Variants in TCF12 observed in about 807,000 individuals in gnomAD.
The protein encoded by TCF12 is DNA-binding protein HTF4.
A neutral mutation model predicts 86.0 loss-of-function variants in TCF12; 45 were observed. The ratio of observed to expected loss-of-function variants is 0.52; its 90% confidence interval spans 0.41 to 0.67. The LOEUF is 0.67. Ranked by LOEUF, TCF12 falls within the 30% of genes least tolerant of loss-of-function variation. The pLI, the probability that TCF12 is intolerant of heterozygous loss-of-function variation, is 0.00. For synonymous variants in TCF12, 330 were observed against 299.6 expected (o/e 1.10, Z -1.05); for missense variants, 881 against 859.9 (o/e 1.02, Z -0.31).
At chr15:57,250,559 T>C (rs1179947956) in intron 13 of TCF12, among the ~76,000 whole-genome samples, 14 of 152,022 alleles carry the variant, frequency 9.2e-5, no homozygotes. Context: ...TGAAACGTTG[T>C]CTCTACTGCA....
intron 3 of TCF12, among the ~76,000 whole-genome samples, chr15:57,026,675 A>G (rs1467999444): frequency 6.6e-6 from 1 of 152,102 alleles, no homozygotes; most frequent in African/African-American, 2.4e-5. Flanking sequence ...ATTTCATTTT[A>G]TATATTTTAA....
chr15:57,040,872 T>A (rs2066853495), intron 3 of TCF12, among the ~76,000 whole-genome samples: 1 of 152,208 alleles, frequency 6.6e-6, no homozygotes, highest in South Asian at 2.1e-4. Flanking sequence ...GTGTTGTGAA[T>A]GTTATTATAG....
intron 8 of TCF12, among the ~76,000 whole-genome samples, chr15:57,211,546 G>A (rs1284926484): frequency 1.3e-5 from 2 of 152,182 alleles, no homozygotes; most frequent in Non-Finnish European, 2.9e-5. Flanking sequence ...TTGGACTCTT[G>A]TCTTAGAACT....
rs548687317 is a variant in TCF12, at chr15:56,951,849, T to C, written c.148+30751T>C. On this transcript the variant is annotated intron_variant, in intron 3 of 20. Transcript: ENST00000333725. ...TTATTGTAGAGATGGGGTCTTGCCA[T>C]GTTGCCCAGACTGGTCTTGAACTCC... is the stretch of plus-strand genomic sequence containing the variant. Among the ~76,000 whole-genome samples the C allele has an allele frequency of 5.3e-5, 8 of 152,298 alleles. No homozygotes were observed. The East Asian group carries it at 1.5e-3, about 29-fold the overall frequency.
intron 5 of TCF12, among the ~76,000 whole-genome samples, chr15:57,105,064 G>A (rs1168983025): frequency 6.6e-6 from 1 of 151,428 alleles, no homozygotes. Context: ...AGTAGAGATG[G>A]CGTTTCACCA....
At chr15:56,935,414 G>A (rs2060425748) in intron 3 of TCF12, among the ~76,000 whole-genome samples, 1 of 152,134 alleles carries the variant, frequency 6.6e-6, no homozygotes, top group Admixed American at 6.5e-5. Context: ...TGTGCCCTCA[G>A]TGTATGTGTG....
chr15:57,034,102 C>T (rs1337053610), intron 3 of TCF12, among the ~76,000 whole-genome samples: 8 of 152,286 alleles, frequency 5.3e-5, no homozygotes, highest in Non-Finnish European at 1.0e-4. Flanking sequence ...GATTTGGATA[C>T]AGTTTAACAC....
intron 4 of TCF12, among the ~76,000 whole-genome samples, chr15:57,077,121 G>C (rs1270062349): frequency 6.6e-6 from 1 of 152,030 alleles, no homozygotes; most frequent in African/African-American, 2.4e-5. Flanking sequence ...AGAATTGTTT[G>C]AACTATTCTA....
chr15:56,960,862 G>A (rs984880094), intron 3 of TCF12, among the ~76,000 whole-genome samples: 9 of 151,952 alleles, frequency 5.9e-5, no homozygotes, highest in African/African-American at 1.7e-4. Context: ...TTATTAGGCC[G>A]GGCACAGTGG....
chr15:57,174,629 C>G (rs1365539144), intron 6 of TCF12, among the ~76,000 whole-genome samples: 1 of 152,112 alleles, frequency 6.6e-6, no homozygotes, highest in Non-Finnish European at 1.5e-5. Context: ...ATAGGAAATC[C>G]TAAGGAATCA....
At chr15:57,281,502 A>G (rs1364498873) in intron 19 of TCF12, 2 of 152,206 alleles carry the variant, frequency 1.3e-5, no homozygotes. Flanking sequence ...TTACGAACGA[A>G]CGGGCTGGCT....
At chr15:57,096,589 C>A (rs1311541592) in intron 5 of TCF12, among the ~76,000 whole-genome samples, 1 of 152,104 alleles carries the variant, frequency 6.6e-6, no homozygotes, top group African/African-American at 2.4e-5. Context: ...TTTAAATCAT[C>A]TATAACTTAC....
intron 20 of TCF12, among the ~76,000 whole-genome samples, chr15:57,283,594 G>A (rs1421118500): frequency 2.0e-5 from 3 of 152,152 alleles, no homozygotes; most frequent in African/African-American, 7.2e-5. Context: ...TCTGCTTTCA[G>A]CAGTATGTAG....
chr15:57,034,238 TTAAA>T (rs1330419761), intron 3 of TCF12, among the ~76,000 whole-genome samples: 20 of 152,336 alleles, frequency 1.3e-4, no homozygotes, highest in Admixed American at 3.3e-4. Flanking sequence ...TGTTTTTGGG[TTAAA>T]TAAACTATTA....
intron 4 of TCF12, among the ~76,000 whole-genome samples, chr15:57,090,107 T>G (rs1265924447): frequency 6.6e-6 from 1 of 152,030 alleles, no homozygotes; most frequent in Non-Finnish European, 1.5e-5. Flanking sequence ...TTCCAGCTAC[T>G]CCTGGGAGCC....
intron 4 of TCF12, among the ~76,000 whole-genome samples, chr15:57,085,610 A>T (rs544772872): frequency 9.8e-5 from 15 of 152,290 alleles, no homozygotes; most frequent in South Asian, 6.2e-4. Context: ...ACATTCAAGG[A>T]TTTGTTTTAG....
chr15:57,260,904 A>G (rs1227927150), intron 16 of TCF12, among the ~76,000 whole-genome samples: 1 of 152,156 alleles, frequency 6.6e-6, no homozygotes, highest in African/African-American at 2.4e-5. Flanking sequence ...TTCACAGTCC[A>G]TTTCTTTACT....
chr15:57,103,728 A>G (rs575687781), intron 5 of TCF12, among the ~76,000 whole-genome samples: 290 of 152,342 alleles, frequency 1.9e-3, no homozygotes, highest in African/African-American at 6.7e-3. Flanking sequence ...ATATGGTCAT[A>G]TGATGGATAA....
chr15:56,920,610 T>G (rs1303741380), intron 2 of TCF12, among the ~76,000 whole-genome samples: 1 of 152,070 alleles, frequency 6.6e-6, no homozygotes, highest in Non-Finnish European at 1.5e-5. Flanking sequence ...TTAACTGCTG[T>G]TAGGAGGCAG....
Sources: allele counts gnomAD v4.1 joint callset (sites outside exome capture counted in the v4.1 genomes callset), GRCh38; gene constraint gnomAD v4.1.1; transcripts MANE v1.5; gene names NCBI Gene and HGNC (gene_info 2026-07-23, HGNC 2026-07-21).